ECI2: variants seen among roughly 807,000 people sequenced by gnomAD.
The protein encoded by ECI2 is D3,D2-enoyl-CoA isomerase.
A neutral mutation model predicts 38.4 loss-of-function variants in ECI2; 27 were observed. The ratio of observed to expected loss-of-function variants is 0.70; its 90% CI spans 0.52 to 0.97. ECI2 has a LOEUF of 0.97. ECI2 is among the 50% of genes least tolerant of loss of function. The pLI, the probability that ECI2 is intolerant of heterozygous loss-of-function variation, is 0.00. For synonymous variants in ECI2, 168 were observed against 172.0 expected, an observed-to-expected ratio of 0.98 and a Z score of 0.18; for missense variants, 470 against 474.4, an observed-to-expected ratio of 0.99 and a Z score of 0.09.
intron 7 of ECI2, among the ~76,000 whole-genome samples, chr6:4,123,374 A>G (rs1392625237): frequency 2.0e-5 from 3 of 151,670 alleles, no homozygotes; most frequent in African/African-American, 7.3e-5. Context: ...ATGGTGTTTC[A>G]CCATGTTGGC....
chr6:4,135,512 T>G lies in ECI2; in HGVS notation c.49A>C (p.Ser17Arg), dbSNP rs1773682319. Residue 17 changes from serine to arginine, a missense_variant and splice_region_variant, in exon 1 of 10, where the codon AGT becomes CGT. Ser to Arg is a moderately radical substitution (Grantham distance 110, BLOSUM62 -1). Transcript: ENST00000380118. ...GAACGGCCGGGACTCCAAGCTTACC[T>G]CGGACACGAACGCCGCGCCAGTCTC... Reference protein sequence around the residue: ...AWRLARRSCPSSLQVTSFPVV... With the variant: ...AWRLARRSCPRSLQVTSFPVV... 1 of 1,599,670 alleles carries G rather than the reference T, an allele frequency of 6.3e-7. No homozygotes were observed.
rs561072719 is a variant in ECI2, at chr6:4,134,139, A to G, written c.51-428T>C. On this transcript the variant is annotated intron_variant, in intron 1 of 9. Transcript: ENST00000380118. The stretch of plus-strand genomic sequence containing the variant: ...TGCACTCACTGATAAGCCATAAGCT[A>G]TATCAGGTCAATTCTTGCCTCTTTG... 6.6e-5 allele frequency among the ~76,000 whole-genome samples: 10 copies of G among 152,370 alleles called. No homozygotes were observed. In the South Asian group the frequency reaches 1.4e-3, roughly 22 times the overall value.
At position 4,125,847 on chromosome 6, in the gene ECI2, A is replaced by G. The variant is rs529300033; in HGVS notation, c.674+288T>C. 13 of 508,842 alleles carry G rather than the reference A, an allele frequency of 2.6e-5. No individual in the cohort carries two copies. The Admixed American group carries it at 2.7e-4, about 10-fold the overall frequency. 31.5% of individuals were successfully genotyped at this position (508,842 alleles called of 1,614,324 possible). ...TCCTCTGGCTGGATGAGAATTTGCT[A>G]AATTCCTCTGCCTCAGTGCAAGATA... On this transcript the variant is annotated intron_variant, in intron 6 of 9. Transcript: ENST00000380118.
At chr6:4,134,495 A>G (rs1320850627) in intron 1 of ECI2, among the ~76,000 whole-genome samples, 1 of 152,236 alleles carries the variant, frequency 6.6e-6, no homozygotes, top group Non-Finnish European at 1.5e-5. Flanking sequence ...GACTCAGGCC[A>G]CAAGCTAAAA....
intron 7 of ECI2, among the ~76,000 whole-genome samples, chr6:4,123,174 T>G (rs1037182085): frequency 6.6e-6 from 1 of 152,098 alleles, no homozygotes; most frequent in African/African-American, 2.4e-5. Context: ...TTTTATTTAT[T>G]TTTTACTTAT....
At position 4,119,236 on chromosome 6, in the gene ECI2, G is replaced by A; in HGVS notation, c.835C>T (p.Pro279Ser). 2 of 1,613,790 alleles carry A rather than the reference G, an allele frequency of 1.2e-6. No individual in the cohort carries two copies. The highest frequency in any genetic ancestry group is 1.1e-5 in the South Asian group (1 of 91,052). ...HTPFSHLGQS[P>S]EGCSSYTFPK... ...AAAGTGTAAGAGGAGCATCCTTCCG[G>A]ACTTTGGCCTAGGTGACTAAATGGT... is the stretch of plus-strand genomic sequence containing the variant. The change falls in exon 8 of 10, where the codon CCG (proline) becomes TCG (serine). Residue 279 changes from proline to serine, a missense_variant. Coordinates refer to ENST00000380118, the MANE Select transcript of ECI2 (RefSeq NM_206836.3).
intron 7 of ECI2, among the ~76,000 whole-genome samples, chr6:4,123,795 T>G (rs1402904883): frequency 6.6e-6 from 1 of 151,752 alleles, no homozygotes; most frequent in Non-Finnish European, 1.5e-5. Context: ...AGTGAAACCC[T>G]GTCTCTACTA....
chr6:4,122,596 A>C (rs866687706), intron 7 of ECI2, among the ~76,000 whole-genome samples: 47 of 152,208 alleles, frequency 3.1e-4, no homozygotes, highest in Middle Eastern at 3.4e-3. Context: ...TCTGTTGCCC[A>C]GCCTTACTCT....
chr6:4,133,886 A>T, intron 1 of ECI2, 175 bp from the exon 2 acceptor site: 1 of 656,102 alleles, frequency 1.5e-6, no homozygotes, highest in Non-Finnish European at 2.3e-6. Flanking sequence ...TTCCAAGATA[A>T]TAAGTCAATA....
chr6:4,133,006 T>C (rs1381938312), intron 2 of ECI2, among the ~76,000 whole-genome samples: 1 of 152,118 alleles, frequency 6.6e-6, no homozygotes, highest in East Asian at 1.9e-4. Context: ...TTAAGGGATC[T>C]GCCCGCCTCA....
At position 4,119,208 on chromosome 6, in the gene ECI2, G is replaced by A. The variant is rs200190433; in HGVS notation, c.863C>T (p.Pro288Leu). The A allele has an allele frequency of 2.2e-5, 36 of 1,613,364 alleles. No individual in the cohort carries two copies. Among genetic ancestry groups the A allele is most frequent in the African/African-American group, 8.0e-5 (6 of 74,902 alleles). ...TACCTTGGCTGGGCTCATTATCTTC[G>A]GAAAAGTGTAAGAGGAGCATCCTTC... is the stretch of plus-strand genomic sequence containing the variant. The part of the protein sequence containing the change: ...SPEGCSSYTF[P>L]KIMSPAKATE... Residue 288 changes from proline to leucine, a missense_variant, in exon 8 of 10, where the codon CCG (proline) becomes CTG (leucine). Pro to Leu is a moderately conservative substitution (Grantham distance 98). Coordinates refer to ENST00000380118, the MANE Select transcript of ECI2 (RefSeq NM_206836.3).
At position 4,130,314 on chromosome 6, in the gene ECI2, TG is replaced by T. The variant is rs922098466; in HGVS notation, c.501+57del. 2.5e-6 allele frequency: 4 copies of T among 1,613,818 alleles called. No homozygotes were observed. The African/African-American group carries it at 4.0e-5, about 16-fold the overall frequency. ...ATGCTGAAACTCTACAGCTTTTGTG[TG>T]AAACACATAGAAGAAGAAAGTAAAA... On this transcript the variant is annotated intron_variant, in intron 4 of 9. Coordinates refer to ENST00000380118, the MANE Select transcript of ECI2 (RefSeq NM_206836.3).
intron 2 of ECI2, 106 bp downstream of exon 2, chr6:4,133,443 G>A: frequency 7.2e-7 from 1 of 1,391,460 alleles, no homozygotes; most frequent in Non-Finnish European, 9.8e-7. Context: ...GAGGGAGCAA[G>A]ACAAACCAAA....
Position 4,116,013 on chromosome 6 carries a change from T to G in ECI2, c.1046A>C (p.Lys349Thr). 6.2e-7 allele frequency: 1 copy of G among 1,613,512 alleles called. No individual in the cohort carries two copies. The highest frequency in any genetic ancestry group is 1.1e-5 in the South Asian group (1 of 90,942). ...TCTCTCTCTTTTCCTGATTACCTCT[T>G]TTGAAATTCTCAAGGCCTGGAAAAA... is the stretch of plus-strand genomic sequence containing the variant. Reference protein sequence around the residue: ...KLPPNALRISKEVIRKREREK... With the variant: ...KLPPNALRISTEVIRKREREK... Residue 349 changes from lysine (K) to threonine (T), a missense_variant, in exon 10 of 10, where the codon AAA (lysine) becomes ACA (threonine). Transcript: ENST00000380118.
chr6:4,131,074 T>A (rs1773484055), intron 2 of ECI2: 4 of 474,544 alleles, frequency 8.4e-6, no homozygotes, highest in Non-Finnish European at 1.1e-5. Context: ...AAATTATAAC[T>A]GCCTGTCTAT....
intron 9 of ECI2, 129 bp from the exon 10 acceptor site, chr6:4,116,158 C>T: frequency 2.1e-6 from 2 of 952,592 alleles, no homozygotes; most frequent in Non-Finnish European, 3.0e-6. Flanking sequence ...CAAGACCAGC[C>T]TGGCCAACAT....
chr6:4,123,605 T>C lies in ECI2; in HGVS notation c.795+1645A>G, dbSNP rs367746946. Among the ~76,000 whole-genome samples the C allele has an allele frequency of 2.6e-5, 4 of 151,174 alleles. No individual in the cohort carries two copies. In the East Asian group the frequency reaches 7.7e-4, roughly 29 times the overall value. ...AGATATGTTTTATATGTATTATGTA[T>C]ATATGTTTTCTGATTTCAACATTTA... On this transcript the variant is annotated intron_variant, in intron 7 of 9. Coordinates refer to ENST00000380118, the MANE Select transcript of ECI2 (RefSeq NM_206836.3).
intron 7 of ECI2, among the ~76,000 whole-genome samples, chr6:4,120,460 C>G (rs1231476692): frequency 3.3e-5 from 5 of 152,154 alleles, no homozygotes; most frequent in African/African-American, 1.2e-4. Context: ...GGTGTGGTGG[C>G]TCATGCCTGT....
At position 4,115,738 on chromosome 6, in the gene ECI2, G is replaced by A; in HGVS notation, c.*136C>T. On this transcript the variant is annotated 3_prime_UTR_variant, in exon 10 of 10. Transcript: ENST00000380118. ...ACAAAACTTTTTATTCATCAGAGCTGTAGTGAAATATCATCATTGTAATTG... is the reference window on the plus strand; with the variant it reads ...ACAAAACTTTTTATTCATCAGAGCTATAGTGAAATATCATCATTGTAATTG... The A allele has an allele frequency of 7.6e-7, 1 of 1,322,168 alleles. No homozygotes were observed. Among genetic ancestry groups the A allele is most frequent in the Non-Finnish European group, 1.0e-6 (1 of 955,900 alleles). The allele number at this position is 1,322,168 out of a possible 1,614,324, so 81.9% of individuals were successfully genotyped here.
Sources: allele counts gnomAD v4.1 joint callset (sites outside exome capture counted in the v4.1 genomes callset), GRCh38; gene constraint gnomAD v4.1.1; transcripts MANE v1.5; gene names NCBI Gene and HGNC (gene_info 2026-07-23, HGNC 2026-07-21).